TECRL: variants seen among roughly 807,000 people sequenced by gnomAD.
TECRL encodes trans-2,3-enoyl-CoA reductase-like.
In TECRL, 63 loss-of-function variants were observed where a neutral mutation model predicts 52.8. That is an observed-to-expected ratio of 1.19 (90% CI 0.97 to 1.47). The LOEUF is 1.47. Among genes scored for constraint, TECRL ranks in the 40% most tolerant of loss-of-function variants. The pLI, the probability that TECRL is intolerant of heterozygous loss-of-function variation, is 0.00. For synonymous variants in TECRL, 164 were observed against 141.9 expected (o/e 1.16, Z -1.10); for missense variants, 482 against 429.6 (o/e 1.12, Z -1.08).
chr4:64,380,603 C>T (rs12501250), intron 1 of TECRL, among the ~76,000 whole-genome samples: 136,115 of 152,048 alleles, frequency 0.9, 61,641 homozygotes, highest in East Asian at 1. Context: ...GGGGTCTAAT[C>T]ACATTCTTCT....
chr4:64,296,118 A>G (rs1421758605), intron 8 of TECRL, among the ~76,000 whole-genome samples: 1 of 151,948 alleles, frequency 6.6e-6, no homozygotes, highest in African/African-American at 2.4e-5. Flanking sequence ...ACCAAATCTC[A>G]GTAGACTGCT....
intron 4 of TECRL, among the ~76,000 whole-genome samples, chr4:64,316,627 A>G (rs952128769): frequency 6.6e-6 from 1 of 152,150 alleles, no homozygotes; most frequent in Non-Finnish European, 1.5e-5. Context: ...AAAGGGAAAT[A>G]AAACAAAATC....
At chr4:64,320,987 T>C (rs1364532678) in intron 4 of TECRL, among the ~76,000 whole-genome samples, 2 of 152,072 alleles carry the variant, frequency 1.3e-5, no homozygotes, top group Non-Finnish European at 2.9e-5. Context: ...TTTTTTTTCA[T>C]TTGATATTCA....
chr4:64,298,261 C>T (rs1308288155), intron 8 of TECRL, among the ~76,000 whole-genome samples: 1 of 151,172 alleles, frequency 6.6e-6, no homozygotes, highest in Non-Finnish European at 1.5e-5. Context: ...CTCTATTGGA[C>T]ATAGTCTATT....
chr4:64,406,180 G>C (rs13142377), intron 1 of TECRL, among the ~76,000 whole-genome samples: 20 of 151,582 alleles, frequency 1.3e-4, no homozygotes, highest in African/African-American at 3.9e-4. Flanking sequence ...GTGTGTGTGT[G>C]TATGTGTGTA....
intron 2 of TECRL, among the ~76,000 whole-genome samples, chr4:64,358,707 C>A (rs1219176510): frequency 1.3e-5 from 2 of 151,462 alleles, no homozygotes; most frequent in African/African-American, 4.8e-5. Flanking sequence ...TGATGCCTTC[C>A]CAACATAACA....
chr4:64,378,491 T>TCAAA (rs751693623), intron 1 of TECRL, among the ~76,000 whole-genome samples: 25 of 152,052 alleles, frequency 1.6e-4, no homozygotes, highest in East Asian at 5.8e-4. Flanking sequence ...AGACCCTGTC[T>TCAAA]CAAACAAACA....
intron 2 of TECRL, among the ~76,000 whole-genome samples, chr4:64,330,298 T>C (rs1449417288): frequency 6.6e-6 from 1 of 152,078 alleles, no homozygotes; most frequent in Non-Finnish European, 1.5e-5. Context: ...CTTGTAATTC[T>C]AAGACCTTAC....
At chr4:64,283,335 C>T (rs75497499) in intron 9 of TECRL, among the ~76,000 whole-genome samples, 2,130 of 152,044 alleles carry the variant, frequency 0.014, 66 homozygotes, top group African/African-American at 0.048. Flanking sequence ...ACATAGTTGG[C>T]ACCAGGAATG....
intron 2 of TECRL, among the ~76,000 whole-genome samples, chr4:64,366,376 C>T (rs367581659): frequency 1.2e-3 from 183 of 152,110 alleles, no homozygotes; most frequent in African/African-American, 4.2e-3. Context: ...GACAAAGATG[C>T]CAAAAGCAAT....
At chr4:64,300,051 A>G (rs371782791) in intron 7 of TECRL, 34 bp from the exon 8 acceptor site, 14 of 1,517,610 alleles carry the variant, frequency 9.2e-6, no homozygotes, top group Non-Finnish European at 1.2e-5. Flanking sequence ...TCATGCAGAT[A>G]CTCATAGTTT....
chr4:64,406,971 C>CT (rs1724771690), intron 1 of TECRL, among the ~76,000 whole-genome samples: 1 of 150,024 alleles, frequency 6.7e-6, no homozygotes, highest in African/African-American at 2.5e-5. Context: ...ATAAATCAGT[C>CT]TTTTTTATGT....
chr4:64,372,995 C>CT (rs927326130), intron 2 of TECRL, among the ~76,000 whole-genome samples: 34 of 151,506 alleles, frequency 2.2e-4, no homozygotes, highest in African/African-American at 8.2e-4. Context: ...GAGAGAAGTT[C>CT]TTTTTACTAA....
At chr4:64,364,420 C>T (rs113696058) in intron 2 of TECRL, among the ~76,000 whole-genome samples, 12 of 151,616 alleles carry the variant, frequency 7.9e-5, no homozygotes, top group African/African-American at 2.2e-4. Flanking sequence ...ACAGCTGAAC[C>T]GAATGAAATT....
chr4:64,367,873 T>C (rs1039896806), intron 2 of TECRL, among the ~76,000 whole-genome samples: 1 of 152,158 alleles, frequency 6.6e-6, no homozygotes, highest in African/African-American at 2.4e-5. Flanking sequence ...CGGAAGATGC[T>C]GATGTATCTC....
At chr4:64,348,450 A>C (rs2109561396) in intron 2 of TECRL, among the ~76,000 whole-genome samples, 1 of 152,310 alleles carries the variant, frequency 6.6e-6, no homozygotes, top group East Asian at 1.9e-4. Context: ...CAAACCATAT[A>C]ACTTCACCAT....
chr4:64,336,720 C>T (rs1320991894), intron 2 of TECRL, among the ~76,000 whole-genome samples: 1 of 152,066 alleles, frequency 6.6e-6, no homozygotes, highest in Middle Eastern at 3.4e-3. Flanking sequence ...TTTGTTCTCA[C>T]TGGTTTCAAA....
At chr4:64,342,481 A>G (rs1309124517) in intron 2 of TECRL, among the ~76,000 whole-genome samples, 1 of 151,820 alleles carries the variant, frequency 6.6e-6, no homozygotes, top group African/African-American at 2.4e-5. Context: ...ATTTATATAT[A>G]CCATGATTTT....
chr4:64,296,685 G>C (rs1190147363), intron 8 of TECRL, among the ~76,000 whole-genome samples: 1 of 151,662 alleles, frequency 6.6e-6, no homozygotes, highest in East Asian at 1.9e-4. Context: ...AAAGAAAATA[G>C]GAAGGTTCTT....
Sources: allele counts gnomAD v4.1 joint callset (sites outside exome capture counted in the v4.1 genomes callset), GRCh38; gene constraint gnomAD v4.1.1; transcripts MANE v1.5; gene names NCBI Gene and HGNC (gene_info 2026-07-23, HGNC 2026-07-21).